Variants in COPG2 observed in about 807,000 individuals in gnomAD.
COPG2 encodes the protein coat protein complex I subunit gamma 2.
A neutral mutation model predicts 46.3 loss-of-function variants in COPG2; 37 were observed. The ratio of observed to expected loss-of-function variants is 0.80; its 90% CI spans 0.61 to 1.05. COPG2 has a LOEUF of 1.05. COPG2 is among the 50% of genes least tolerant of loss of function. The probability of loss-of-function intolerance (pLI) is 0.00; values close to 1 mark genes in which losing one functional copy is unlikely to be tolerated. For missense variants in COPG2, 427 were observed against 387.8 expected (o/e 1.10, Z -0.85); for synonymous variants, 159 against 129.7 (o/e 1.23, Z -1.53).
rs553702171 is a variant in COPG2, at chr7:130,612,061, T to C, written c.579+91A>G. ...AGCTGCTTAATTTGCCTTTAGTTAA[T>C]GTTTATCTAGGGAATCGATACACTG... On this transcript the variant is annotated intron_variant, in intron 8 of 23. Coordinates refer to ENST00000425248, the MANE Select transcript of COPG2 (RefSeq NM_012133.6). 260 of 882,214 alleles carry C rather than the reference T, an allele frequency of 2.9e-4. No homozygotes were observed. The African/African-American group carries it at 3.5e-3, about 12-fold the overall frequency. 54.6% of individuals were successfully genotyped at this position (882,214 alleles called of 1,614,324 possible). A position where few individuals can be genotyped will look rare whatever the true frequency, so the allele number is the denominator to read the frequency against.
At chr7:130,622,026 G>A (rs1216434334) in intron 5 of COPG2, among the ~76,000 whole-genome samples, 2 of 150,652 alleles carry the variant, frequency 1.3e-5, no homozygotes, top group African/African-American at 2.4e-5. Context: ...GTCAACCCAT[G>A]TTCTATACCT....
Position 130,563,404 on chromosome 7 carries a change from C to T in COPG2, c.872-68G>A, listed in dbSNP as rs1242382826. The stretch of plus-strand genomic sequence containing the variant: ...TTACATATACATACCGTGAATACTC[C>T]TGGCTTAAGAGAACTATAGAAAAGT... On this transcript the variant is annotated intron_variant, in intron 10 of 23. Coordinates refer to ENST00000425248, the MANE Select transcript of COPG2 (RefSeq NM_012133.6). 22 of 391,128 alleles carry T rather than the reference C, an allele frequency of 5.6e-5. No individual in the cohort carries two copies. In the East Asian group the frequency reaches 7.6e-4, roughly 14 times the overall value. 24.2% of individuals were successfully genotyped at this position (391,128 alleles called of 1,614,324 possible).
chr7:130,638,859 G>A (rs561485697), intron 5 of COPG2, among the ~76,000 whole-genome samples: 79 of 152,290 alleles, frequency 5.2e-4, no homozygotes, highest in Non-Finnish European at 6.9e-4. Context: ...CCCTGGTGGC[G>A]TAGGCACCAG....
At chr7:130,523,958 C>T (rs931299413) in intron 20 of COPG2, among the ~76,000 whole-genome samples, 4 of 149,128 alleles carry the variant, frequency 2.7e-5, no homozygotes, top group African/African-American at 5.0e-5. Flanking sequence ...TTTGTGCTGG[C>T]GGGGCAGGGG....
intron 9 of COPG2, among the ~76,000 whole-genome samples, chr7:130,594,218 A>C (rs1554449411): frequency 6.6e-6 from 1 of 152,240 alleles, no homozygotes; most frequent in Non-Finnish European, 1.5e-5. Context: ...ATTAGAAATT[A>C]AAATCACAAT....
intron 20 of COPG2, among the ~76,000 whole-genome samples, chr7:130,541,312 A>G (rs1191927870): frequency 6.6e-5 from 10 of 152,008 alleles, no homozygotes; most frequent in African/African-American, 2.2e-4. Context: ...TGCGGGTGAG[A>G]GCAGAGAGCA....
intron 20 of COPG2, among the ~76,000 whole-genome samples, chr7:130,538,177 T>C (rs1405004442): frequency 3.3e-5 from 5 of 151,968 alleles, no homozygotes; most frequent in Admixed American, 6.6e-5. Flanking sequence ...GGACTGGATG[T>C]TGAAGAGGAG....
intron 20 of COPG2, among the ~76,000 whole-genome samples, chr7:130,517,548 G>A (rs1178724303): frequency 6.6e-6 from 1 of 152,200 alleles, no homozygotes; most frequent in East Asian, 1.9e-4. Flanking sequence ...TCCTAAAAAG[G>A]TACTGCTAGC....
intron 13 of COPG2, 60 bp downstream of exon 13, chr7:130,554,977 C>T (rs1172853465): frequency 2.5e-6 from 1 of 398,020 alleles, no homozygotes; most frequent in African/African-American, 2.1e-5. Flanking sequence ...TATGGTATTT[C>T]ATGGCAATCC....
chr7:130,532,670 C>T (rs1799839569), intron 20 of COPG2, among the ~76,000 whole-genome samples: 1 of 152,030 alleles, frequency 6.6e-6, no homozygotes, highest in African/African-American at 2.4e-5. Flanking sequence ...AATGTTTCCA[C>T]ATGGTGTGAG....
intron 5 of COPG2, among the ~76,000 whole-genome samples, chr7:130,639,264 G>A (rs1190119616): frequency 6.6e-6 from 1 of 152,118 alleles, no homozygotes; most frequent in African/African-American, 2.4e-5. Context: ...TTTTCATTTG[G>A]TTTTGTATAT....
intron 5 of COPG2, among the ~76,000 whole-genome samples, chr7:130,648,921 T>C (rs1267580901): frequency 1.3e-5 from 2 of 152,208 alleles, no homozygotes; most frequent in Non-Finnish European, 1.5e-5. Flanking sequence ...TCTAATTCCA[T>C]AGGTCCACAG....
chr7:130,603,958 T>C (rs1794684283), intron 9 of COPG2: 1 of 438,700 alleles, frequency 2.3e-6, no homozygotes, highest in Non-Finnish European at 4.6e-6. Context: ...ATATATATTG[T>C]ATTCTTACAA....
chr7:130,586,611 C>T lies in COPG2; in HGVS notation c.738-22218G>A, dbSNP rs150788747. The stretch of plus-strand genomic sequence containing the variant: ...CCGAGTAGCTGGGACTACAGGCACC[C>T]GCCACCACGCCGGGCTAATTTTTTG... On this transcript the variant is annotated intron_variant, in intron 9 of 23. Coordinates refer to ENST00000425248, the MANE Select transcript of COPG2 (RefSeq NM_012133.6). Among the ~76,000 whole-genome samples the T allele has an allele frequency of 6.4e-3, 969 of 151,958 alleles. 8 individuals are homozygous for T. The highest frequency in any genetic ancestry group is 0.022 in the African/African-American group (915 of 41,500).
At chr7:130,615,094 T>C (rs1489706105) in intron 6 of COPG2, among the ~76,000 whole-genome samples, 1 of 152,240 alleles carries the variant, frequency 6.6e-6, no homozygotes, top group African/African-American at 2.4e-5. Flanking sequence ...TCCAAGTTGG[T>C]GTAGCATGAA....
chr7:130,642,675 G>A (rs1554457524), intron 5 of COPG2, among the ~76,000 whole-genome samples: 1 of 152,076 alleles, frequency 6.6e-6, no homozygotes, highest in Non-Finnish European at 1.5e-5. Flanking sequence ...CCAGTTTAGG[G>A]CTATCACAAA....
At chr7:130,633,149 G>A (rs112764959) in intron 5 of COPG2, among the ~76,000 whole-genome samples, 9 of 152,072 alleles carry the variant, frequency 5.9e-5, no homozygotes, top group African/African-American at 1.7e-4. Flanking sequence ...TATCATTGAC[G>A]GGCATTTGGG....
At chr7:130,535,508 A>G (rs1004652252) in intron 20 of COPG2, among the ~76,000 whole-genome samples, 13 of 152,032 alleles carry the variant, frequency 8.6e-5, no homozygotes, top group African/African-American at 1.7e-4. Flanking sequence ...GGCATGGGGA[A>G]GGGAAAGTGT....
rs1237144695 is a variant in COPG2 at position 130,550,777 on chromosome 7, C to G, written c.1649-128G>C. 8.1e-6 allele frequency: 3 copies of G among 370,366 alleles called. No individual in the cohort carries two copies. In the East Asian group the frequency reaches 1.2e-4, roughly 15 times the overall value. The allele number at this position is 370,366 out of a possible 1,614,324, so 22.9% of individuals were successfully genotyped here. A position where few individuals can be genotyped will look rare whatever the true frequency, so the allele number is the denominator to read the frequency against. On this transcript the variant is annotated intron_variant, in intron 16 of 23. Coordinates refer to ENST00000425248, the MANE Select transcript of COPG2 (RefSeq NM_012133.6). ...AAAAATATAACCAAAAGCTTTATAA[C>G]CTAAATATAAAAATAAAGGATATTC...
Sources: allele counts gnomAD v4.1 joint callset (sites outside exome capture counted in the v4.1 genomes callset), GRCh38; gene constraint gnomAD v4.1.1; transcripts MANE v1.5; gene names NCBI Gene and HGNC (gene_info 2026-07-23, HGNC 2026-07-21).